ERGIC2: variants seen among roughly 807,000 people sequenced by gnomAD.
The protein encoded by ERGIC2 is endoplasmic reticulum-Golgi intermediate compartment protein 2.
ERGIC2 carries 31 observed loss-of-function variants against 52.5 expected under a neutral mutation model. The ratio of observed to expected loss-of-function variants is 0.59; its 90% CI spans 0.44 to 0.80. ERGIC2 has a LOEUF of 0.80. Among genes scored for constraint, ERGIC2 ranks in the 30% least tolerant of loss-of-function variants. ERGIC2 has a pLI of 0.00. For synonymous variants in ERGIC2, 129 were observed against 140.6 expected (o/e 0.92, Z 0.58); for missense variants, 395 against 455.2 (o/e 0.87, Z 1.20).
intron 4 of ERGIC2, among the ~76,000 whole-genome samples, chr12:29,367,810 A>C (rs1940384782): frequency 6.6e-6 from 1 of 151,896 alleles, no homozygotes; most frequent in Non-Finnish European, 1.5e-5. Context: ...GAAAAAAGAA[A>C]AGGGTAACCT....
chr12:29,343,318 G>A (rs1200283879), intron 11 of ERGIC2, 36 bp from the exon 12 acceptor site: 5 of 1,523,472 alleles, frequency 3.3e-6, no homozygotes. Flanking sequence ...AGAAATAGGA[G>A]GAAGAGAGAA....
At chr12:29,357,388 T>C (rs11050207) in intron 7 of ERGIC2, among the ~76,000 whole-genome samples, 8,884 of 152,278 alleles carry the variant, frequency 0.058, 829 homozygotes, top group African/African-American at 0.2. Flanking sequence ...TAATTTTATG[T>C]GGGGGTATAC....
chr12:29,356,461 G>T lies in ERGIC2; in HGVS notation c.493C>A (p.Gln165Lys). The T allele has an allele frequency of 1.9e-6, 3 of 1,580,420 alleles. No individual in the cohort carries two copies. Among genetic ancestry groups the T allele is most frequent in the Non-Finnish European group, 2.6e-6 (3 of 1,149,766 alleles). ...ALPPREDDSS[Q>K]SPNACRIHGH... ...TGAATTCTGCATGCATTTGGAGACT[G>T]TGATGAATCATCTTCTCTGTTAAAA... Residue 165 changes from glutamine to lysine, a missense_variant, in exon 8 of 14, where the codon CAG (glutamine) becomes AAG (lysine). Gln to Lys is a moderately conservative substitution (Grantham distance 53). Coordinates refer to ENST00000360150, the MANE Select transcript of ERGIC2 (RefSeq NM_016570.3).
chr12:29,379,110 C>A (rs1029319659), intron 1 of ERGIC2, among the ~76,000 whole-genome samples: 12 of 152,062 alleles, frequency 7.9e-5, no homozygotes, highest in Non-Finnish European at 1.6e-4. Context: ...AACAGAATAA[C>A]CTTAAAAGTG....
intron 6 of ERGIC2, among the ~76,000 whole-genome samples, chr12:29,358,445 C>A (rs948463647): frequency 9.2e-5 from 14 of 152,042 alleles, no homozygotes; most frequent in African/African-American, 3.4e-4. Context: ...TTCTGTATGG[C>A]AGTATGGTAG....
At chr12:29,378,175 G>A (rs1295362371) in intron 1 of ERGIC2, among the ~76,000 whole-genome samples, 4 of 152,152 alleles carry the variant, frequency 2.6e-5, no homozygotes, top group African/African-American at 9.7e-5. Flanking sequence ...AAGGCCATGT[G>A]AAGACACAGA....
intron 6 of ERGIC2, among the ~76,000 whole-genome samples, chr12:29,361,115 G>C (rs955534367): frequency 1.3e-5 from 2 of 152,078 alleles, no homozygotes; most frequent in African/African-American, 4.8e-5. Flanking sequence ...GGGCATGGTG[G>C]TGTGTGCCTG....
chr12:29,341,856 A>G, intron 12 of ERGIC2, 40 bp from the exon 13 acceptor site: 2 of 995,668 alleles, frequency 2.0e-6, no homozygotes, highest in East Asian at 4.8e-5. Flanking sequence ...ATTATTTCCT[A>G]AACTGTTATT....
chr12:29,353,823 TCAC>T (rs1565538512), intron 8 of ERGIC2, among the ~76,000 whole-genome samples: 1 of 152,000 alleles, frequency 6.6e-6, no homozygotes, highest in Non-Finnish European at 1.5e-5. Context: ...TCAAATTAAA[TCAC>T]CCTAGTACAG....
intron 11 of ERGIC2, among the ~76,000 whole-genome samples, chr12:29,343,740 C>A (rs1949856696): frequency 6.6e-6 from 1 of 152,134 alleles, no homozygotes. Flanking sequence ...GATCAAGTTT[C>A]CAATAAAGTG....
intron 3 of ERGIC2, among the ~76,000 whole-genome samples, chr12:29,368,922 A>T (rs1206322574): frequency 6.6e-6 from 1 of 151,974 alleles, no homozygotes; most frequent in African/African-American, 2.4e-5. Flanking sequence ...AAAATTTTTC[A>T]TGGCCTTTCA....
At chr12:29,366,851 CA>C (rs763205837) in intron 5 of ERGIC2, 25 bp downstream of exon 5, 3 of 1,515,748 alleles carry the variant, frequency 2.0e-6, no homozygotes, top group Admixed American at 1.8e-5. Context: ...CCGTGTATTT[CA>C]AAAAACCATG....
intron 7 of ERGIC2, among the ~76,000 whole-genome samples, chr12:29,356,898 C>T (rs1940213912): frequency 6.6e-6 from 1 of 151,986 alleles, no homozygotes; most frequent in Non-Finnish European, 1.5e-5. Flanking sequence ...CATTTTCTTC[C>T]TAAGCAAATG....
chr12:29,350,465 C>G (rs546743879), intron 8 of ERGIC2, among the ~76,000 whole-genome samples: 4 of 151,926 alleles, frequency 2.6e-5, no homozygotes, highest in Non-Finnish European at 4.4e-5. Flanking sequence ...GGAATGTTCC[C>G]TATTTTCAAA....
intron 8 of ERGIC2, among the ~76,000 whole-genome samples, chr12:29,350,451 G>A (rs1940115789): frequency 6.6e-6 from 1 of 151,958 alleles, no homozygotes; most frequent in Non-Finnish European, 1.5e-5. Flanking sequence ...TTTAATTGGG[G>A]TTTGGAATGT....
chr12:29,360,092 C>T (rs1383414106), intron 6 of ERGIC2, among the ~76,000 whole-genome samples: 1 of 152,002 alleles, frequency 6.6e-6, no homozygotes, highest in Non-Finnish European at 1.5e-5. Flanking sequence ...AAATTCTAGG[C>T]ATTCCTGTTG....
In ERGIC2 at chr12:29,340,900, C is replaced by A. The variant is rs879125952; in HGVS notation, c.*256G>T. On this transcript the variant is annotated 3_prime_UTR_variant, in exon 14 of 14. Coordinates refer to ENST00000360150, the MANE Select transcript of ERGIC2 (RefSeq NM_016570.3). ...CATTTGCTATGAAAATATAAGAAGG[C>A]GTCATCTTCAAAGCAACACTCCAGT... 3.9e-6 allele frequency: 2 copies of A among 508,866 alleles called. No homozygotes were observed. Among genetic ancestry groups the A allele is most frequent in the South Asian group, 3.7e-5 (2 of 54,324 alleles). 31.5% of individuals were successfully genotyped at this position (508,866 alleles called of 1,614,324 possible).
chr12:29,379,183 A>G (rs534043241), intron 1 of ERGIC2, among the ~76,000 whole-genome samples: 2 of 152,196 alleles, frequency 1.3e-5, no homozygotes, highest in Non-Finnish European at 2.9e-5. Context: ...AGACTATAGT[A>G]GCTCTCAATA....
intron 1 of ERGIC2, among the ~76,000 whole-genome samples, chr12:29,377,163 G>T (rs1279138243): frequency 6.6e-6 from 1 of 152,062 alleles, no homozygotes; most frequent in Admixed American, 6.6e-5. Context: ...CCACTGGTTG[G>T]TGCTGCTATT....
Sources: allele counts gnomAD v4.1 joint callset (sites outside exome capture counted in the v4.1 genomes callset), GRCh38; gene constraint gnomAD v4.1.1; transcripts MANE v1.5; gene names NCBI Gene and HGNC (gene_info 2026-07-23, HGNC 2026-07-21).